SPMIP8: variants seen among roughly 807,000 people sequenced by gnomAD.
The protein encoded by SPMIP8 is sperm microtubule inner protein 8.
chr16:57,981,144 G>A, the SPMIP8 span, among the ~76,000 whole-genome samples: 441 of 152,114 alleles, frequency 2.9e-3, 5 homozygotes, highest in African/African-American at 0.01. Flanking sequence ...ACTTTGGGGG[G>A]CCAAGGCAAG....
At chr16:57,983,888 C>T in the SPMIP8 span, among the ~76,000 whole-genome samples, 1 of 152,114 alleles carries the variant, frequency 6.6e-6, no homozygotes, top group African/African-American at 2.4e-5. Context: ...GCTGGGATTA[C>T]AAGTGTGAGC....
At chr16:57,987,698 G>A in the SPMIP8 span, 3 of 391,450 alleles carry the variant, frequency 7.7e-6, no homozygotes, top group Admixed American at 9.1e-5. Flanking sequence ...GGAGAAAAAT[G>A]TCTGGTGACC....
chr16:57,979,281 G>A, the SPMIP8 span, among the ~76,000 whole-genome samples: 7 of 152,154 alleles, frequency 4.6e-5, no homozygotes, highest in Admixed American at 3.9e-4. Context: ...GTCAGAGACC[G>A]CACGGAGATT....
At chr16:57,980,078 A>G in the SPMIP8 span, among the ~76,000 whole-genome samples, 1 of 152,212 alleles carries the variant, frequency 6.6e-6, no homozygotes, top group Non-Finnish European at 1.5e-5. Context: ...AAATAAAAAT[A>G]AATGTATAAG....
chr16:57,986,190 C>A, the SPMIP8 span: 1 of 437,750 alleles, frequency 2.3e-6, no homozygotes, highest in African/African-American at 2.0e-5. Flanking sequence ...CTGGAGGAGG[C>A]CAAAAGGATA....
the SPMIP8 span, chr16:57,985,228 G>C: frequency 4.9e-5 from 76 of 1,548,840 alleles, no homozygotes; most frequent in South Asian, 6.1e-5. Flanking sequence ...GCGGCTACGC[G>C]GTGCGGTACT....
At chr16:57,984,440 C>T in the SPMIP8 span, 21 of 1,577,754 alleles carry the variant, frequency 1.3e-5, no homozygotes, top group Non-Finnish European at 1.8e-5. Context: ...GGGATCTACA[C>T]CCCGCGCACC....
At chr16:57,984,335 G>A in the SPMIP8 span, 5 of 1,614,054 alleles carry the variant, frequency 3.1e-6, no homozygotes, top group African/African-American at 2.7e-5. Context: ...TACACTCCTT[G>A]GGGTCCCCAA....
At chr16:57,980,192 TC>T in the SPMIP8 span, among the ~76,000 whole-genome samples, 441 of 152,300 alleles carry the variant, frequency 2.9e-3, 5 homozygotes, top group African/African-American at 0.01. Context: ...GATAGGCATG[TC>T]AAAGGAGGAG....
chr16:57,984,568 G>A, the SPMIP8 span: 4 of 1,500,056 alleles, frequency 2.7e-6, no homozygotes, highest in Middle Eastern at 4.7e-4. Flanking sequence ...CTTTGGGATG[G>A]ACTGGGATGG....
At chr16:57,978,168 G>T in the SPMIP8 span, 1 of 1,051,412 alleles carries the variant, frequency 9.5e-7, no homozygotes, top group South Asian at 1.6e-5. Flanking sequence ...CTTTGGCCAG[G>T]TCTGAGCCTC....
chr16:57,985,491 AG>A, the SPMIP8 span: 8 of 1,613,684 alleles, frequency 5.0e-6, no homozygotes, highest in Middle Eastern at 1.6e-4. Context: ...GTACTGCCTC[AG>A]CCAGAACCCC....
At chr16:57,976,720 A>G in the SPMIP8 span, 3 of 1,529,238 alleles carry the variant, frequency 2.0e-6, no homozygotes, top group South Asian at 3.5e-5. Context: ...ACATCCCCTA[A>G]GGCAGCTTCC....
chr16:57,978,188 C>A, the SPMIP8 span: 1 of 846,884 alleles, frequency 1.2e-6, no homozygotes, highest in Non-Finnish European at 1.8e-6. Flanking sequence ...CTGTTTACTG[C>A]TCAGTACAAT....
the SPMIP8 span, chr16:57,985,163 G>GC: frequency 7.6e-7 from 1 of 1,315,794 alleles, no homozygotes; most frequent in East Asian, 2.8e-5. Context: ...GCTTGTCCTG[G>GC]GGGGGGGCGG....
the SPMIP8 span, among the ~76,000 whole-genome samples, chr16:57,978,604 C>A: frequency 1.3e-5 from 2 of 151,724 alleles, no homozygotes; most frequent in Non-Finnish European, 2.9e-5. Flanking sequence ...ATTGCTGATG[C>A]CATTGTTGTT....
chr16:57,981,977 T>C, the SPMIP8 span, among the ~76,000 whole-genome samples: 1 of 152,208 alleles, frequency 6.6e-6, no homozygotes, highest in Non-Finnish European at 1.5e-5. Context: ...AGTCAATACA[T>C]TGCGGAGACC....
chr16:57,978,854 C>T, the SPMIP8 span, among the ~76,000 whole-genome samples: 7 of 152,100 alleles, frequency 4.6e-5, no homozygotes, highest in African/African-American at 1.7e-4. Flanking sequence ...TGGGTTCAAA[C>T]GATCCTCCTG....
At chr16:57,980,271 GC>G in the SPMIP8 span, among the ~76,000 whole-genome samples, 1 of 152,198 alleles carries the variant, frequency 6.6e-6, no homozygotes, top group African/African-American at 2.4e-5. Flanking sequence ...TATAGGAGGA[GC>G]TATGAATATT....
Sources: allele counts gnomAD v4.1 joint callset (sites outside exome capture counted in the v4.1 genomes callset), GRCh38; gene constraint gnomAD v4.1.1; transcripts MANE v1.5; gene names NCBI Gene and HGNC (gene_info 2026-07-23, HGNC 2026-07-21).